Variants in EQTN observed in about 807,000 individuals in gnomAD.
EQTN encodes the protein equatorin.
A neutral mutation model predicts 26.9 loss-of-function variants in EQTN; 29 were observed. The ratio of observed to expected loss-of-function variants is 1.08; its 90% CI spans 0.80 to 1.47. EQTN has a LOEUF of 1.47. Among genes scored for constraint, EQTN ranks in the 40% most tolerant of loss-of-function variants. The pLI, the probability that EQTN is intolerant of heterozygous loss-of-function variation, is 0.00. For missense variants in EQTN, 391 were observed against 346.1 expected (o/e 1.13, Z -1.03); for synonymous variants, 129 against 120.0 (o/e 1.07, Z -0.49).
At position 27,284,743 on chromosome 9, in the gene EQTN, C is replaced by T. The variant is rs760961973; in HGVS notation, c.865G>A (p.Asp289Asn). 25 of 1,613,618 alleles carry T rather than the reference C, an allele frequency of 1.5e-5. No individual in the cohort carries two copies. Among genetic ancestry groups the T allele is most frequent in the South Asian group, 1.4e-4 (13 of 90,970 alleles). ...TTTCTTCACCGGGTAACCGACTCAT[C>T]GTTTTCATGCATCTCATTATCTGAG... ...IGSDNEMHEN[D>N]ESVTR The change falls in exon 8 of 8, where the codon GAT becomes AAT. Residue 289 changes from aspartate (D) to asparagine (N), a missense_variant. Coordinates refer to ENST00000380032, the MANE Select transcript of EQTN (RefSeq NM_020641.3).
In EQTN at chr9:27,294,419, A is replaced by C. The variant is rs774310736; in HGVS notation, c.203-17T>G. ...TGAACACATCTAAAAACAAAAGCGA[A>C]AGTCTTCAGCAACTAGCTAAGTCAC... On this transcript the variant is annotated splice_polypyrimidine_tract_variant and intron_variant, in intron 2 of 7. Transcript: ENST00000380032. 12 of 1,532,124 alleles carry C rather than the reference A, an allele frequency of 7.8e-6. No individual in the cohort carries two copies. The South Asian group carries it at 1.5e-4, about 19-fold the overall frequency. 94.9% of individuals were successfully genotyped at this position (1,532,124 alleles called of 1,614,324 possible). A position where few individuals can be genotyped will look rare whatever the true frequency, so the allele number is the denominator to read the frequency against.
chr9:27,291,491 G>A (rs1159825777), intron 4 of EQTN, among the ~76,000 whole-genome samples: 2 of 152,206 alleles, frequency 1.3e-5, no homozygotes, highest in Non-Finnish European at 2.9e-5. Context: ...TCGTAAGCAG[G>A]CTCAGTAAGC....
chr9:27,288,583 T>G (rs190581065), intron 6 of EQTN, among the ~76,000 whole-genome samples: 1 of 152,278 alleles, frequency 6.6e-6, no homozygotes, highest in African/African-American at 2.4e-5. Flanking sequence ...TACAATAGCT[T>G]TTTTCATAAT....
Position 27,286,308 on chromosome 9 carries a change from T to C in EQTN, c.536A>G (p.Lys179Arg). Residue 179 changes from lysine (K) to arginine (R), a missense_variant, in exon 7 of 8, where the codon AAG becomes AGG. Lys to Arg is a conservative substitution (Grantham distance 26). Coordinates refer to ENST00000380032, the MANE Select transcript of EQTN (RefSeq NM_020641.3). ...CGAGATTCCCAGCATTATTTTGATC[T>C]TCAGATCCTCTAGATCTGGCTGATT... ...GENQPDLEDL[K>R]IKIMLGISLM... 6.2e-7 allele frequency: 1 copy of C among 1,609,392 alleles called. No individual in the cohort carries two copies. The highest frequency in any genetic ancestry group is 8.5e-7 in the Non-Finnish European group (1 of 1,177,704).
At chr9:27,294,518 A>G (rs933834441) in intron 2 of EQTN, 116 bp from the exon 3 acceptor site, 4 of 458,682 alleles carry the variant, frequency 8.7e-6, no homozygotes, top group Non-Finnish European at 1.5e-5. Flanking sequence ...AAATTAAAAA[A>G]GTTATAGTCA....
At chr9:27,285,608 A>G (rs1333548678) in intron 7 of EQTN, among the ~76,000 whole-genome samples, 1 of 152,224 alleles carries the variant, frequency 6.6e-6, no homozygotes, top group African/African-American at 2.4e-5. Flanking sequence ...AATACCTAGG[A>G]TCACAGTTTT....
intron 6 of EQTN, among the ~76,000 whole-genome samples, chr9:27,288,845 G>T (rs1439686895): frequency 1.3e-5 from 2 of 152,142 alleles, no homozygotes; most frequent in Non-Finnish European, 2.9e-5. Flanking sequence ...GTTTTCAGGG[G>T]TTCAGGAGGA....
chr9:27,286,107 G>A, intron 7 of EQTN, 102 bp downstream of exon 7: 1 of 1,139,740 alleles, frequency 8.8e-7, no homozygotes, highest in Non-Finnish European at 1.3e-6. Context: ...TCGTATGGAT[G>A]AATTCAGAGG....
At chr9:27,292,005 T>C (rs1820244315) in intron 4 of EQTN, 1 of 152,394 alleles carries the variant, frequency 6.6e-6, no homozygotes, top group Admixed American at 6.5e-5. Flanking sequence ...GAAACACTAA[T>C]AATTGACCCT....
intron 6 of EQTN, among the ~76,000 whole-genome samples, chr9:27,288,671 T>G (rs1820167441): frequency 6.6e-6 from 1 of 152,124 alleles, no homozygotes. Context: ...GGAATATCAG[T>G]AATAAAAATA....
chr9:27,296,864 G>C, intron 1 of EQTN, 116 bp downstream of exon 1: 2 of 1,554,710 alleles, frequency 1.3e-6, no homozygotes, highest in South Asian at 2.4e-5. Context: ...ACATACCATA[G>C]CTCCAACAAT....
chr9:27,285,285 A>G (rs1466722555), intron 7 of EQTN, among the ~76,000 whole-genome samples: 1 of 151,696 alleles, frequency 6.6e-6, no homozygotes, highest in Non-Finnish European at 1.5e-5. Context: ...CTGGGACTAC[A>G]GGCATGCGCC....
intron 2 of EQTN, among the ~76,000 whole-genome samples, chr9:27,294,935 T>C (rs1049034571): frequency 6.6e-6 from 1 of 152,170 alleles, no homozygotes; most frequent in Non-Finnish European, 1.5e-5. Context: ...AATGTATATA[T>C]TCCCCCCGCC....
Position 27,286,425 on chromosome 9 carries a change from G to C in EQTN, c.482-63C>G, listed in dbSNP as rs183363634. ...CAGTGTGTTCTCCTGAAGGAGTAAA[G>C]ATTGCAAAGCAAATACAGAGAAGCA... On this transcript the variant is annotated intron_variant, in intron 6 of 7. Coordinates refer to ENST00000380032, the MANE Select transcript of EQTN (RefSeq NM_020641.3). The C allele has an allele frequency of 2.4e-4, 356 of 1,492,774 alleles. 5 individuals carry two copies. The African/African-American group carries it at 4.0e-3, about 17-fold the overall frequency. 92.5% of individuals were successfully genotyped at this position (1,492,774 alleles called of 1,614,324 possible). A position where few individuals can be genotyped will look rare whatever the true frequency, so the allele number is the denominator to read the frequency against.
Position 27,286,275 on chromosome 9 carries a change from G to A in EQTN, c.569C>T (p.Thr190Ile). The A allele has an allele frequency of 6.2e-7, 1 of 1,613,074 alleles. No individual in the cohort carries two copies. Among genetic ancestry groups the A allele is most frequent in the Non-Finnish European group, 8.5e-7 (1 of 1,179,540 alleles). The change falls in exon 7 of 8, where the codon ACC (threonine) becomes ATC (isoleucine). Residue 190 changes from threonine to isoleucine, a missense_variant. By Grantham distance (89) the Thr-to-Ile change is moderately conservative. Transcript: ENST00000380032. Reference sequence around the variant, plus strand: ...CAAGAGGACCACAAAGAGGAGGAGGGTCATCAACGAGATTCCCAGCATTAT... The same window carrying A: ...CAAGAGGACCACAAAGAGGAGGAGGATCATCAACGAGATTCCCAGCATTAT... Reference protein sequence around the residue: ...IKIMLGISLMTLLLFVVLLAF... With the variant: ...IKIMLGISLMILLLFVVLLAF...
intron 6 of EQTN, among the ~76,000 whole-genome samples, chr9:27,288,833 T>G (rs1462036773): frequency 6.6e-6 from 1 of 152,176 alleles, no homozygotes. Flanking sequence ...AAAAGATCAG[T>G]GGTTTTCAGG....
At chr9:27,287,578 A>T (rs1490745731) in intron 6 of EQTN, among the ~76,000 whole-genome samples, 1 of 152,210 alleles carries the variant, frequency 6.6e-6, no homozygotes, top group Non-Finnish European at 1.5e-5. Flanking sequence ...TGTAAAATGA[A>T]GATAATACCA....
intron 6 of EQTN, among the ~76,000 whole-genome samples, chr9:27,288,258 AT>A (rs1385553515): frequency 1.3e-5 from 2 of 152,116 alleles, no homozygotes; most frequent in African/African-American, 4.8e-5. Context: ...CTTTCATGAA[AT>A]TTTCCATTCA....
chr9:27,286,120 A>T, intron 7 of EQTN, 89 bp downstream of exon 7: 1 of 1,294,944 alleles, frequency 7.7e-7, no homozygotes, highest in Non-Finnish European at 1.1e-6. Flanking sequence ...TTCAGAGGTC[A>T]CATATTCCTA....
Sources: allele counts gnomAD v4.1 joint callset (sites outside exome capture counted in the v4.1 genomes callset), GRCh38; gene constraint gnomAD v4.1.1; transcripts MANE v1.5; gene names NCBI Gene and HGNC (gene_info 2026-07-23, HGNC 2026-07-21).